CRIM1: variants seen among roughly 807,000 people sequenced by gnomAD.
CRIM1 encodes cysteine rich transmembrane BMP regulator 1, also known as cysteine-rich motor neuron 1 protein.
In CRIM1, 32 loss-of-function variants were observed where a neutral mutation model predicts 116.4. The ratio of observed to expected loss-of-function variants is 0.27; its 90% confidence interval spans 0.21 to 0.37. CRIM1 has a LOEUF of 0.37. Ranked by LOEUF, CRIM1 falls within the 10% of genes least tolerant of loss-of-function variation. The pLI is 1.00. For synonymous variants in CRIM1, 590 were observed against 509.2 expected, an observed-to-expected ratio of 1.16 and a Z score of -2.13; for missense variants, 1,331 against 1,354.8, an observed-to-expected ratio of 0.98 and a Z score of 0.28.
chr2:36,516,661 C>CA (rs1665049476), intron 11 of CRIM1, among the ~76,000 whole-genome samples: 1 of 152,194 alleles, frequency 6.6e-6, no homozygotes, highest in South Asian at 2.1e-4. Flanking sequence ...CATTCCTGCT[C>CA]AGTTTGCTGG....
intron 2 of CRIM1, among the ~76,000 whole-genome samples, chr2:36,405,477 T>C (rs900591380): frequency 4.6e-5 from 7 of 152,180 alleles, no homozygotes; most frequent in Non-Finnish European, 1.0e-4. Context: ...GTCTCCTAAG[T>C]TTCTCAAACT....
In CRIM1 at chr2:36,460,158, A is replaced by G. The variant is rs1020767068; in HGVS notation, c.870-4376A>G. 3.3e-5 allele frequency among the ~76,000 whole-genome samples: 5 copies of G among 152,144 alleles called. No homozygotes were observed. The East Asian group carries it at 5.8e-4, about 18-fold the overall frequency. ...ACCTGGCTGCAGCTGTGGTTACATT[A>G]TGCAAAAATTTATTAATGTGGTACC... On this transcript the variant is annotated intron_variant, in intron 4 of 16. Transcript: ENST00000280527.
chr2:36,517,051 G>A (rs1232976764), intron 11 of CRIM1, among the ~76,000 whole-genome samples: 1 of 152,132 alleles, frequency 6.6e-6, no homozygotes, highest in Non-Finnish European at 1.5e-5. Flanking sequence ...TCTAGAGTGG[G>A]AGTCCCCTCC....
At chr2:36,396,501 T>C (rs1672038197) in intron 1 of CRIM1, 113 bp from the exon 2 acceptor site, 3 of 629,298 alleles carry the variant, frequency 4.8e-6, no homozygotes, top group Admixed American at 5.7e-5. Context: ...CTTTCACAAA[T>C]TGATTTGTCA....
chr2:36,541,072 G>A lies in CRIM1; in HGVS notation c.2624-3304G>A, dbSNP rs577196061. Among the ~76,000 whole-genome samples the A allele has an allele frequency of 2.0e-5, 3 of 152,202 alleles. No individual in the cohort carries two copies. The South Asian group carries it at 6.2e-4, about 32-fold the overall frequency. Reference sequence around the variant, plus strand: ...AAATACTGCAATCAGTTGAGCTTTTGCCACCTTCTGTTTGATCCAGTATGG... The same window carrying A: ...AAATACTGCAATCAGTTGAGCTTTTACCACCTTCTGTTTGATCCAGTATGG... On this transcript the variant is annotated intron_variant, in intron 14 of 16. Transcript: ENST00000280527.
At position 36,441,405 on chromosome 2, in the gene CRIM1, T is replaced by G; in HGVS notation, c.653T>G (p.Leu218Arg). Residue 218 changes from leucine (L) to arginine (R), a missense_variant, in exon 3 of 17, where the codon CTG becomes CGG. Leu to Arg is a moderately radical substitution (Grantham distance 102, BLOSUM62 -2). This residue lies in a region of CRIM1 where 690 missense variants were observed against 676.0 expected (regional missense o/e 1.02). Transcript: ENST00000280527. ...TGCGTGTGCAACCCCGCAGGCTGTC[T>G]GCGCAAAGTCTGCCAGCCGGGAAAC... is the stretch of plus-strand genomic sequence containing the variant. ...SRCVCNPAGC[L>R]RKVCQPGNLN... is the part of the protein sequence containing the mutation. The G allele has an allele frequency of 6.2e-7, 1 of 1,614,190 alleles. No individual in the cohort carries two copies. The highest frequency in any genetic ancestry group is 8.5e-7 in the Non-Finnish European group (1 of 1,180,040).
intron 1 of CRIM1, among the ~76,000 whole-genome samples, chr2:36,392,859 G>A (rs892136022): frequency 1.3e-5 from 2 of 152,192 alleles, no homozygotes; most frequent in Non-Finnish European, 2.9e-5. Context: ...AAGTGTCTAC[G>A]ATGTTGTTAG....
At chr2:36,472,475 C>T (rs941350082) in intron 5 of CRIM1, among the ~76,000 whole-genome samples, 1 of 152,160 alleles carries the variant, frequency 6.6e-6, no homozygotes, top group African/African-American at 2.4e-5. Flanking sequence ...CACTTCCACT[C>T]CCTTGATCCT....
intron 1 of CRIM1, among the ~76,000 whole-genome samples, chr2:36,391,355 C>A (rs570925366): frequency 6.6e-6 from 1 of 150,642 alleles, no homozygotes; most frequent in African/African-American, 2.4e-5. Context: ...GTCTCGATCT[C>A]CTGACCTCGT....
chr2:36,516,969 A>T (rs1163749492), intron 11 of CRIM1, among the ~76,000 whole-genome samples: 1 of 152,192 alleles, frequency 6.6e-6, no homozygotes, highest in East Asian at 1.9e-4. Flanking sequence ...AGTATTCTGT[A>T]AATGAGAGAT....
At position 36,492,219 on chromosome 2, in the gene CRIM1, A is replaced by G. The variant is rs1356680207; in HGVS notation, c.1373-7000A>G. ...TCACAAAATAATACAAATCTTGGGAACATTTGCACACTGTTCATTTTAAAA... is the reference window on the plus strand; with the variant it reads ...TCACAAAATAATACAAATCTTGGGAGCATTTGCACACTGTTCATTTTAAAA... On this transcript the variant is annotated intron_variant, in intron 7 of 16. Transcript: ENST00000280527. 3.3e-5 allele frequency among the ~76,000 whole-genome samples: 5 copies of G among 152,222 alleles called. No individual in the cohort carries two copies. The East Asian group carries it at 9.6e-4, about 29-fold the overall frequency.
chr2:36,365,832 C>T (rs886143590), intron 1 of CRIM1, among the ~76,000 whole-genome samples: 1 of 150,598 alleles, frequency 6.6e-6, no homozygotes, highest in Non-Finnish European at 1.5e-5. Flanking sequence ...CTCCCTGGTT[C>T]AAGCGATTCT....
intron 15 of CRIM1, among the ~76,000 whole-genome samples, chr2:36,546,507 GT>G (rs1667342305): frequency 6.6e-6 from 1 of 152,100 alleles, no homozygotes; most frequent in Non-Finnish European, 1.5e-5. Context: ...TGATTGATTA[GT>G]TTTAATCTAA....
intron 10 of CRIM1, among the ~76,000 whole-genome samples, chr2:36,512,647 T>G (rs1267765774): frequency 6.6e-6 from 1 of 152,194 alleles, no homozygotes; most frequent in African/African-American, 2.4e-5. Context: ...TAGCTCTTTT[T>G]ACTTCTATCA....
chr2:36,528,982 A>G (rs919629253), intron 13 of CRIM1, among the ~76,000 whole-genome samples: 3 of 152,154 alleles, frequency 2.0e-5, no homozygotes, highest in East Asian at 1.9e-4. Context: ...CAGAAATTCA[A>G]GTTGTTCTGG....
intron 1 of CRIM1, among the ~76,000 whole-genome samples, chr2:36,381,219 T>A (rs1197852986): frequency 6.6e-6 from 1 of 152,104 alleles, no homozygotes; most frequent in African/African-American, 2.4e-5. Context: ...GGACCTGGCC[T>A]GGGAAACAGG....
intron 1 of CRIM1, among the ~76,000 whole-genome samples, chr2:36,390,999 A>G (rs569390139): frequency 6.6e-6 from 1 of 151,286 alleles, no homozygotes; most frequent in Non-Finnish European, 1.5e-5. Flanking sequence ...TTGTAGAGAC[A>G]GGGTTTCGTC....
chr2:36,460,331 G>C (rs1180892402), intron 4 of CRIM1, among the ~76,000 whole-genome samples: 1 of 152,112 alleles, frequency 6.6e-6, no homozygotes, highest in East Asian at 1.9e-4. Flanking sequence ...ATCCAGAATT[G>C]GCAAGTCCAT....
intron 5 of CRIM1, among the ~76,000 whole-genome samples, chr2:36,476,062 T>G (rs1435141359): frequency 2.0e-5 from 3 of 152,118 alleles, no homozygotes; most frequent in Non-Finnish European, 4.4e-5. Context: ...GGGAGTTATT[T>G]TAAATCAACT....
Sources: gnomAD v4.1 joint callset for allele counts (sites outside exome capture counted in the v4.1 genomes callset) on GRCh38, gnomAD v4.1.1 for gene constraint, gnomAD v4.1.1 regional missense constraint, MANE v1.5 for transcripts, NCBI Gene and HGNC (gene_info 2026-07-23, HGNC 2026-07-21) for gene names.